Variants in NKAIN4 observed in about 807,000 individuals in gnomAD.
NKAIN4 encodes sodium/potassium transporting ATPase interacting 4.
A neutral mutation model predicts 28.8 loss-of-function variants in NKAIN4; 28 were observed. That is an observed-to-expected ratio of 0.97 (90% CI 0.72 to 1.33). The LOEUF is 1.33. NKAIN4 is among the 40% of genes most tolerant of loss of function. NKAIN4 has a pLI of 0.00. For missense variants in NKAIN4, 289 were observed against 277.2 expected (o/e 1.04, Z -0.30); for synonymous variants, 122 against 115.6 (o/e 1.06, Z -0.36).
intron 1 of NKAIN4, 93 bp from the exon 2 acceptor site, chr20:63,250,165 G>A (rs898513252): frequency 7.1e-7 from 1 of 1,414,952 alleles, no homozygotes; most frequent in Non-Finnish European, 9.4e-7. Context: ...GATCTCAGCA[G>A]GGACTTCCTC....
At chr20:63,248,073 G>T (rs1035847142) in intron 3 of NKAIN4, 3 of 294,844 alleles carry the variant, frequency 1.0e-5, no homozygotes, top group Non-Finnish European at 1.9e-5. Flanking sequence ...TCCTCGTGTC[G>T]CTGGCCAAAG....
At chr20:63,248,497 A>T (rs1161842916) in intron 3 of NKAIN4, 2 of 291,648 alleles carry the variant, frequency 6.9e-6, no homozygotes, top group Non-Finnish European at 1.3e-5. Flanking sequence ...TGGCCCCAGG[A>T]GGGTGGTGTC....
At chr20:63,248,938 C>T (rs1225653764) in intron 2 of NKAIN4, 43 bp from the exon 3 acceptor site, 9 of 1,339,656 alleles carry the variant, frequency 6.7e-6, no homozygotes, top group South Asian at 1.2e-5. Flanking sequence ...ACACAGCTCC[C>T]GGGCACACCT....
chr20:63,247,301 T>C, intron 4 of NKAIN4: 1 of 1,388,734 alleles, frequency 7.2e-7, no homozygotes, highest in Non-Finnish European at 9.4e-7. Context: ...ATCCGATTCC[T>C]TCCCACTCCC....
intron 1 of NKAIN4, chr20:63,254,068 C>T: frequency 3.0e-6 from 1 of 334,202 alleles, no homozygotes; most frequent in South Asian, 2.8e-5. Context: ...CACGCCTCCC[C>T]AGGCGATGGG....
chr20:63,250,290 GA>G (rs150539395), intron 1 of NKAIN4, among the ~76,000 whole-genome samples: 4,078 of 152,292 alleles, frequency 0.027, 172 homozygotes, highest in African/African-American at 0.093. Flanking sequence ...GCTCTTCCAA[GA>G]AGAATCCCCA....
chr20:63,254,358 C>CG, intron 1 of NKAIN4, 39 bp downstream of exon 1: 1 of 1,416,000 alleles, frequency 7.1e-7, no homozygotes, highest in South Asian at 1.4e-5. Flanking sequence ...GGTCGGGCAC[C>CG]GGGGGCTCCA....
At chr20:63,253,929 C>G in intron 1 of NKAIN4, 1 of 158,216 alleles carries the variant, frequency 6.3e-6, no homozygotes, top group South Asian at 1.6e-4. Flanking sequence ...GCAGGCACAG[C>G]CTCCGTCATC....
intron 4 of NKAIN4, chr20:63,246,572 G>A: frequency 1.0e-6 from 1 of 985,424 alleles, no homozygotes; most frequent in Middle Eastern, 5.2e-4. Flanking sequence ...TTGGAATTCA[G>A]CTCCCACCGC....
Position 63,247,648 on chromosome 20 carries a change from GAC to G in NKAIN4, c.399_400del (p.Ser134ArgfsTer45), listed in dbSNP as rs2066884186. 1 of 1,547,896 alleles carries G rather than the reference GAC, an allele frequency of 6.5e-7. No homozygotes were observed. On this transcript the variant is annotated frameshift_variant, in exon 4 of 7. Coordinates refer to ENST00000370316, the MANE Select transcript of NKAIN4 (RefSeq NM_152864.4). LOFTEE classifies it high-confidence loss of function. ...GGGCTCCAGGGCACAGCCAGCACCT[GAC>G]ACCAGGGCCTGGCCATGGGGGGCCC...
chr20:63,241,930 G>C (rs1439455829), intron 6 of NKAIN4, among the ~76,000 whole-genome samples: 1 of 152,174 alleles, frequency 6.6e-6, no homozygotes, highest in Non-Finnish European at 1.5e-5. Flanking sequence ...AGAAGAGCCA[G>C]GGGCTACCCA....
chr20:63,249,786 G>T, intron 2 of NKAIN4, 149 bp downstream of exon 2: 1 of 724,148 alleles, frequency 1.4e-6, no homozygotes, highest in Non-Finnish European at 2.2e-6. Flanking sequence ...TGTCCAGGCA[G>T]CAAAGAGGTC....
intron 1 of NKAIN4, among the ~76,000 whole-genome samples, chr20:63,251,246 T>A (rs2066953939): frequency 6.6e-6 from 1 of 152,092 alleles, no homozygotes; most frequent in Non-Finnish European, 1.5e-5. Flanking sequence ...TTGCTGCTGT[T>A]ATCTAGAAGG....
intron 5 of NKAIN4, among the ~76,000 whole-genome samples, chr20:63,243,126 G>C (rs1043685460): frequency 5.9e-5 from 9 of 152,186 alleles, no homozygotes; most frequent in African/African-American, 2.2e-4. Flanking sequence ...TTGAACCCCA[G>C]GTTCAAATGG....
chr20:63,249,774 G>A (rs1209203787), intron 2 of NKAIN4, among the ~76,000 whole-genome samples, 161 bp downstream of exon 2: 1 of 152,194 alleles, frequency 6.6e-6, no homozygotes, highest in Non-Finnish European at 1.5e-5. Context: ...CAGAATTCTA[G>A]ATGTCCAGGC....
intron 1 of NKAIN4, chr20:63,253,239 A>T (rs1031154253): frequency 1.0e-6 from 1 of 985,280 alleles, no homozygotes; most frequent in Admixed American, 6.1e-5. Flanking sequence ...AACTGTTCCA[A>T]GGCCTGGGAT....
At chr20:63,248,122 C>T (rs768502159) in intron 3 of NKAIN4, 18 of 208,130 alleles carry the variant, frequency 8.6e-5, no homozygotes, top group Non-Finnish European at 1.7e-4. Flanking sequence ...ACAGTCTTCC[C>T]GGCTGCAGCC....
At chr20:63,244,440 C>T (rs1277151224) in intron 4 of NKAIN4, 5 of 493,044 alleles carry the variant, frequency 1.0e-5, no homozygotes, top group African/African-American at 2.0e-5. Flanking sequence ...CCAGCACAGT[C>T]CCAGCCCTGC....
chr20:63,244,359 GAGC>G, intron 4 of NKAIN4: 1 of 537,234 alleles, frequency 1.9e-6, no homozygotes, highest in East Asian at 3.9e-5. Flanking sequence ...TGGGGAAGAT[GAGC>G]AGGTCAGCCT....
Sources: gnomAD v4.1 joint callset for allele counts (sites outside exome capture counted in the v4.1 genomes callset) on GRCh38, gnomAD v4.1.1 for gene constraint, MANE v1.5 for transcripts, NCBI Gene and HGNC (gene_info 2026-07-23, HGNC 2026-07-21) for gene names.